The following RIPOR1 variants were observed in gnomAD, a reference collection of about 807,000 sequenced individuals.
RIPOR1 encodes the protein rho family-interacting cell polarization regulator 1.
Under a neutral mutation model 116.5 loss-of-function variants are expected in RIPOR1, and 58 were observed. That is an observed-to-expected ratio of 0.50 (90% CI 0.40 to 0.62). The LOEUF (loss-of-function observed/expected upper bound fraction) is 0.62. Ranked by LOEUF, RIPOR1 falls within the 20% of genes least tolerant of loss-of-function variation. The pLI, the probability that RIPOR1 is intolerant of heterozygous loss-of-function variation, is 0.00. For missense variants in RIPOR1, 1,372 were observed against 1,586.2 expected (o/e 0.86, Z 2.29); for synonymous variants, 605 against 650.0 (o/e 0.93, Z 1.05).
rs980937638 is a variant in RIPOR1, at chr16:67,544,480, A to G, written c.2733+49A>G. 6.4e-7 allele frequency: 1 copy of G among 1,574,102 alleles called. No individual in the cohort carries two copies. Among genetic ancestry groups the G allele is most frequent in the Admixed American group, 1.7e-5 (1 of 58,844 alleles). On this transcript the variant is annotated intron_variant, in intron 15 of 21. Transcript: ENST00000042381. This position sits in a 1 kb window ranked among gnomAD's most constrained non-coding sequence, Gnocchi z 5.1. ...CCCTTCCTTTGTAACCCCTAACCCC[A>G]GGGAGTCCTGCCCTTCCATCCTGGT...
rs767491225 is a variant in RIPOR1, at chr16:67,531,931, G to A, written c.-24+3017G>A. On this transcript the variant is annotated intron_variant, in intron 1 of 21. Transcript: ENST00000042381. The surrounding 1 kb of genome is among the most constrained non-coding windows in gnomAD (Gnocchi z 4.2). ...TTTTGAGACAGAGTCTCGCTCTGTCGCCCAGGCTGGAGTGTAGTGGTGAGA... is the reference window on the plus strand; with the variant it reads ...TTTTGAGACAGAGTCTCGCTCTGTCACCCAGGCTGGAGTGTAGTGGTGAGA... Among the ~76,000 whole-genome samples the A allele has an allele frequency of 6.6e-5, 10 of 152,074 alleles. No individual in the cohort carries two copies. The highest frequency in any genetic ancestry group is 1.9e-4 in the East Asian group (1 of 5,198).
Position 67,537,514 on chromosome 16 carries a change from G to A in RIPOR1, c.-23-910G>A. 2 of 1,282,372 alleles carry A rather than the reference G, an allele frequency of 1.6e-6. No homozygotes were observed. Among genetic ancestry groups the A allele is most frequent in the Non-Finnish European group, 2.0e-6 (2 of 1,012,990 alleles). 79.4% of individuals were successfully genotyped at this position (1,282,372 alleles called of 1,614,324 possible). On this transcript the variant is annotated intron_variant, in intron 1 of 21. Coordinates refer to ENST00000042381, the MANE Select transcript of RIPOR1 (RefSeq NM_024519.4). The surrounding 1 kb of genome is among the most constrained non-coding windows in gnomAD (Gnocchi z 4.6). ...AGCCCGGAGCCCAGCCGGGCGGCTC[G>A]AAGTGGCCAGGGCCGGAAGGTCCGC...
intron 5 of RIPOR1, 39 bp downstream of exon 5, chr16:67,539,790 A>G (rs1218324122): frequency 1.2e-6 from 2 of 1,614,166 alleles, no homozygotes; most frequent in Non-Finnish European, 1.7e-6. Flanking sequence ...GGGTTGGCTC[A>G]CAGGGAGGGT....
chr16:67,540,666 A>G lies in RIPOR1; in HGVS notation c.763A>G (p.Ile255Val). The change falls in exon 10 of 22, where the codon ATC becomes GTC. Residue 255 changes from isoleucine to valine, a missense_variant. Ile to Val is a conservative substitution (Grantham distance 29). Around this residue, in one of 3 missense-constraint regions of RIPOR1, gnomAD observed 202 missense variants for 295.9 expected, o/e 0.68. Transcript: ENST00000042381. This position sits in a 1 kb window ranked among gnomAD's most constrained non-coding sequence, Gnocchi z 4.7. ...GCAGGTGTGGGACAGTGAAGAAACC[A>G]TCTTTCTCCCTCTACTCACGGAATT... ...GKQVWDSEET[I>V]FLPLLTEFLS... 6.2e-7 allele frequency: 1 copy of G among 1,611,362 alleles called. No homozygotes were observed. Among genetic ancestry groups the G allele is most frequent in the East Asian group, 2.2e-5 (1 of 44,828 alleles).
Position 67,541,308 on chromosome 16 carries a change from G to C in RIPOR1, c.802-122G>C. On this transcript the variant is annotated intron_variant, in intron 10 of 21. Transcript: ENST00000042381. The surrounding 1 kb of genome is among the most constrained non-coding windows in gnomAD (Gnocchi z 4.6). The stretch of plus-strand genomic sequence containing the variant: ...TGGTCTTGAACTCCTGGCCTTAAGT[G>C]ATCCTCCTGCCTCAGCCTCCCATGA... 1 of 1,024,042 alleles carries C rather than the reference G, an allele frequency of 9.8e-7. No individual in the cohort carries two copies. Among genetic ancestry groups the C allele is most frequent in the Admixed American group, 2.3e-5 (1 of 43,410 alleles). The allele number at this position is 1,024,042 out of a possible 1,614,324, so 63.4% of individuals were successfully genotyped here.
rs1437124939 is a variant in RIPOR1 at position 67,546,416 on chromosome 16, C to G, written c.3613C>G (p.Leu1205Val). The change falls in exon 22 of 22, where the codon CTG (leucine) becomes GTG (valine). Residue 1205 changes from leucine (L) to valine (V), a missense_variant. Coordinates refer to ENST00000042381, the MANE Select transcript of RIPOR1 (RefSeq NM_024519.4). ...ACGGCTGGAGGAGTCCCTGGACGCC[C>G]TGCCCCGCATCTTTGGGCCTGGCAG... ...HRRLEESLDA[L>V]PRIFGPGSMA... 1 of 1,613,986 alleles carries G rather than the reference C, an allele frequency of 6.2e-7. No homozygotes were observed. The highest frequency in any genetic ancestry group is 2.2e-5 in the East Asian group (1 of 44,906).
Position 67,546,521 on chromosome 16 carries a change from C to A in RIPOR1, c.*58C>A, listed in dbSNP as rs781154322. The A allele has an allele frequency of 1.4e-6, 2 of 1,441,420 alleles. No individual in the cohort carries two copies. The highest frequency in any genetic ancestry group is 1.9e-6 in the Non-Finnish European group (2 of 1,027,742). 89.3% of individuals were successfully genotyped at this position (1,441,420 alleles called of 1,614,324 possible). A position where few individuals can be genotyped will look rare whatever the true frequency, so the allele number is the denominator to read the frequency against. ...CCCCCCACTTTCAGGGCTCACCAGG[C>A]ACTGGCAGGGAGGGTAAGGGCTGGC... On this transcript the variant is annotated 3_prime_UTR_variant, in exon 22 of 22. Transcript: ENST00000042381.
chr16:67,540,058 T>C lies in RIPOR1; in HGVS notation c.420T>C (p.Asp140=), dbSNP rs1477841194. 6.2e-7 allele frequency: 1 copy of C among 1,613,328 alleles called. No homozygotes were observed. Reference sequence around the variant, plus strand: ...CACCCCACTCACCTTCCCAGATCGATGAGCTGTATGAGGCATACTGTGTCC... The same window carrying C: ...CACCCCACTCACCTTCCCAGATCGACGAGCTGTATGAGGCATACTGTGTCC... ...RRLEFHASKI[D]ELYEAYCVQR... Residue 140 remains aspartate, a synonymous_variant, in exon 7 of 22, where the codon GAT becomes GAC. Transcript: ENST00000042381. This position sits in a 1 kb window ranked among gnomAD's most constrained non-coding sequence, Gnocchi z 4.7.
chr16:67,530,097 C>A lies in RIPOR1; in HGVS notation c.-24+1183C>A. The A allele has an allele frequency of 1.7e-6, 1 of 590,338 alleles. No homozygotes were observed. Among genetic ancestry groups the A allele is most frequent in the East Asian group, 2.9e-5 (1 of 35,006 alleles). The allele number at this position is 590,338 out of a possible 1,614,324, so 36.6% of individuals were successfully genotyped here. On this transcript the variant is annotated intron_variant, in intron 1 of 21. Transcript: ENST00000042381. This position sits in a 1 kb window ranked among gnomAD's most constrained non-coding sequence, Gnocchi z 4.5. ...GGGAGAGAGGAGCAAGGTGAGCCGC[C>A]CCAGGGGTCTGGGTTTGGGTGCGGG...
At chr16:67,523,272 A>C (rs2050509881) in intron 1 of RIPOR1, among the ~76,000 whole-genome samples, 1 of 151,996 alleles carries the variant, frequency 6.6e-6, no homozygotes, top group African/African-American at 2.4e-5. Flanking sequence ...TGATTAAACA[A>C]GCCAGTACTT....
chr16:67,537,551 G>A lies in RIPOR1; in HGVS notation c.-23-873G>A. Reference sequence around the variant, plus strand: ...GCCGGAAGGTCCGCGGGGGGCGAGCGCGGGTCGGGGGCCGTCCCGGACCCA... The same window carrying A: ...GCCGGAAGGTCCGCGGGGGGCGAGCACGGGTCGGGGGCCGTCCCGGACCCA... On this transcript the variant is annotated intron_variant, in intron 1 of 21. Coordinates refer to ENST00000042381, the MANE Select transcript of RIPOR1 (RefSeq NM_024519.4). This position sits in a 1 kb window ranked among gnomAD's most constrained non-coding sequence, Gnocchi z 4.6. 2 of 1,360,256 alleles carry A rather than the reference G, an allele frequency of 1.5e-6. No homozygotes were observed. The highest frequency in any genetic ancestry group is 1.9e-6 in the Non-Finnish European group (2 of 1,053,810). The allele number at this position is 1,360,256 out of a possible 1,614,324, so 84.3% of individuals were successfully genotyped here. A position where few individuals can be genotyped will look rare whatever the true frequency, so the allele number is the denominator to read the frequency against.
At position 67,537,652 on chromosome 16, in the gene RIPOR1, G is replaced by T; in HGVS notation, c.-23-772G>T. On this transcript the variant is annotated intron_variant, in intron 1 of 21. Transcript: ENST00000042381. This position sits in a 1 kb window ranked among gnomAD's most constrained non-coding sequence, Gnocchi z 4.6. ...CAGGGACTGGCCCCAGGGGAAGCAGGCCGGGTTTGGGGGCCAGGAGTGTGT... is the reference window on the plus strand; with the variant it reads ...CAGGGACTGGCCCCAGGGGAAGCAGTCCGGGTTTGGGGGCCAGGAGTGTGT... 1 of 1,268,250 alleles carries T rather than the reference G, an allele frequency of 7.9e-7. No homozygotes were observed. The highest frequency in any genetic ancestry group is 1.5e-5 in the African/African-American group (1 of 64,534). The allele number at this position is 1,268,250 out of a possible 1,614,324, so 78.6% of individuals were successfully genotyped here. A position where few individuals can be genotyped will look rare whatever the true frequency, so the allele number is the denominator to read the frequency against.
In RIPOR1 at chr16:67,530,150, G is replaced by A. The variant is rs2050618952; in HGVS notation, c.-24+1236G>A. 2.2e-6 allele frequency: 1 copy of A among 450,456 alleles called. No individual in the cohort carries two copies. Among genetic ancestry groups the A allele is most frequent in the Non-Finnish European group, 4.0e-6 (1 of 249,744 alleles). The allele number at this position is 450,456 out of a possible 1,614,324, so 27.9% of individuals were successfully genotyped here. A position where few individuals can be genotyped will look rare whatever the true frequency, so the allele number is the denominator to read the frequency against. ...AGGGGAGGACTCAGGACTCTGGGCT[G>A]GGTCCCGCTTGAGAGAAGCGGGCGG... On this transcript the variant is annotated intron_variant, in intron 1 of 21. Transcript: ENST00000042381. This position sits in a 1 kb window ranked among gnomAD's most constrained non-coding sequence, Gnocchi z 4.5.
chr16:67,543,107 T>C lies in RIPOR1; in HGVS notation c.2321T>C (p.Val774Ala), dbSNP rs1312044592. 6.6e-7 allele frequency: 1 copy of C among 1,523,412 alleles called. No individual in the cohort carries two copies. Among genetic ancestry groups the C allele is most frequent in the Non-Finnish European group, 8.8e-7 (1 of 1,137,962 alleles). The allele number at this position is 1,523,412 out of a possible 1,614,324, so 94.4% of individuals were successfully genotyped here. Residue 774 changes from valine (V) to alanine (A), a missense_variant, in exon 13 of 22, where the codon GTC becomes GCC. Coordinates refer to ENST00000042381, the MANE Select transcript of RIPOR1 (RefSeq NM_024519.4). The surrounding 1 kb of genome is among the most constrained non-coding windows in gnomAD (Gnocchi z 4.7). ...QHSDLCLAMA[V>A]QTPVPTAAGG... ...TCAGACCTTTGCCTGGCCATGGCTG[T>C]CCAGACCCCAGTCCCAACGGCAGCC...
chr16:67,538,974 T>G lies in RIPOR1; in HGVS notation c.258-16T>G. ...TGGAGAGCCGAGTTCATTCTTGTGG[T>G]CGCCCCTTTCCTCAGGGCCTACTTG... On this transcript the variant is annotated splice_polypyrimidine_tract_variant and intron_variant, in intron 3 of 21. Coordinates refer to ENST00000042381, the MANE Select transcript of RIPOR1 (RefSeq NM_024519.4). The G allele has an allele frequency of 6.2e-7, 1 of 1,613,688 alleles. No homozygotes were observed. The highest frequency in any genetic ancestry group is 8.5e-7 in the Non-Finnish European group (1 of 1,179,866).
intron 1 of RIPOR1, among the ~76,000 whole-genome samples, chr16:67,536,366 T>G (rs2050794290): frequency 6.6e-6 from 1 of 151,950 alleles, no homozygotes. Flanking sequence ...GAGAATCGCT[T>G]GAATCTGAGA....
At chr16:67,535,410 G>C (rs1237137587) in intron 1 of RIPOR1, among the ~76,000 whole-genome samples, 2 of 152,246 alleles carry the variant, frequency 1.3e-5, no homozygotes, top group Non-Finnish European at 2.9e-5. Flanking sequence ...AGCTGGGAGA[G>C]AGGTGCGCAG....
At chr16:67,524,427 G>A (rs931355417), upstream of RIPOR1, among the ~76,000 whole-genome samples, 1 of 152,130 alleles carries the variant, frequency 6.6e-6, no homozygotes, top group Non-Finnish European at 1.5e-5. Context: ...GGTGCTTTGG[G>A]CCTTTCCTTA....
At position 67,546,667 on chromosome 16, in the gene RIPOR1, C is replaced by T; in HGVS notation, c.*204C>T. 1 of 586,636 alleles carries T rather than the reference C, an allele frequency of 1.7e-6. No individual in the cohort carries two copies. Among genetic ancestry groups the T allele is most frequent in the Admixed American group, 3.0e-5 (1 of 32,816 alleles). The allele number at this position is 586,636 out of a possible 1,614,324, so 36.3% of individuals were successfully genotyped here. On this transcript the variant is annotated 3_prime_UTR_variant, in exon 22 of 22. Coordinates refer to ENST00000042381, the MANE Select transcript of RIPOR1 (RefSeq NM_024519.4). ...GCCTCCCAGCCTCGGCTCAGCACAT[C>T]CCTTGCCACAAATCAGTGTCTGGGG...
Sources: gnomAD v4.1 joint callset for allele counts (sites outside exome capture counted in the v4.1 genomes callset) on GRCh38, gnomAD v4.1.1 for gene constraint, gnomAD v4.1.1 regional missense constraint, Gnocchi (gnomAD v3.1) non-coding constraint, MANE v1.5 for transcripts, NCBI Gene and HGNC (gene_info 2026-07-23, HGNC 2026-07-21) for gene names.